Variants in MEGF6 observed in about 807,000 individuals in gnomAD.
The protein encoded by MEGF6 is multiple epidermal growth factor-like domains protein 6.
In MEGF6, 184 loss-of-function variants were observed where a neutral mutation model predicts 207.1. The ratio of observed to expected loss-of-function variants is 0.89; its 90% CI spans 0.79 to 1.00. The LOEUF is 1.00. Ranked by LOEUF, MEGF6 falls within the 50% of genes least tolerant of loss-of-function variation. The probability of loss-of-function intolerance (pLI) is 0.00; values close to 1 mark genes in which losing one functional copy is unlikely to be tolerated. For synonymous variants in MEGF6, 1,038 were observed against 910.0 expected (o/e 1.14, Z -2.53); for missense variants, 2,282 against 2,202.9 (o/e 1.04, Z -0.72).
chr1:3,603,828 C>T (rs925089051), intron 1 of MEGF6, among the ~76,000 whole-genome samples: 3 of 145,832 alleles, frequency 2.1e-5, no homozygotes, highest in Non-Finnish European at 4.6e-5. Context: ...GTCCAGCCAC[C>T]CTGGCCCCAG....
chr1:3,623,997 T>A, the MEGF6 span, among the ~76,000 whole-genome samples: 1 of 152,288 alleles, frequency 6.6e-6, no homozygotes. Flanking sequence ...CCGGTTCTCA[T>A]CCCGGCGATT....
intron 10 of MEGF6, 62 bp from the exon 11 acceptor site, chr1:3,510,054 G>A: frequency 6.5e-7 from 1 of 1,542,656 alleles, no homozygotes; most frequent in Admixed American, 2.0e-5. Flanking sequence ...GAAGGCCCCT[G>A]CCCACCCAGT....
At chr1:3,492,027 A>C (rs1364533355) in intron 35 of MEGF6, among the ~76,000 whole-genome samples, 1 of 151,948 alleles carries the variant, frequency 6.6e-6, no homozygotes, top group Non-Finnish European at 1.5e-5. Context: ...TGCACACGTA[A>C]CACACAGGCA....
At position 3,509,850 on chromosome 1, in the gene MEGF6, G is replaced by T. The variant is rs373134142; in HGVS notation, c.1357+20C>A. The T allele has an allele frequency of 1.9e-6, 3 of 1,538,526 alleles. No homozygotes were observed. The highest frequency in any genetic ancestry group is 2.6e-6 in the Non-Finnish European group (3 of 1,141,130). ...TCGAGAAGGCAGAGGCCGGTGCTCC[G>T]CGGAGGGCGGGAGACTCACGGCTGC... is the stretch of plus-strand genomic sequence containing the variant. On this transcript the variant is annotated intron_variant, in intron 11 of 36. Transcript: ENST00000356575.
At chr1:3,580,095 C>A (rs545687525) in intron 3 of MEGF6, among the ~76,000 whole-genome samples, 166 bp from the exon 4 acceptor site, 1 of 152,092 alleles carries the variant, frequency 6.6e-6, no homozygotes, top group Non-Finnish European at 1.5e-5. Flanking sequence ...TGGAGGCTGG[C>A]GTGTCCCCAA....
At chr1:3,506,871 C>T (rs1364143536) in intron 14 of MEGF6, among the ~76,000 whole-genome samples, 1 of 152,242 alleles carries the variant, frequency 6.6e-6, no homozygotes, top group Non-Finnish European at 1.5e-5. Context: ...AATCCAAAGA[C>T]AAACATCCTC....
intron 11 of MEGF6, 139 bp downstream of exon 11, chr1:3,509,731 G>A (rs1250452685): frequency 6.6e-6 from 8 of 1,208,174 alleles, no homozygotes; most frequent in Non-Finnish European, 8.9e-6. Context: ...CCTCTGAGGT[G>A]TGTTGGCCCA....
intron 4 of MEGF6, among the ~76,000 whole-genome samples, chr1:3,527,350 A>C (rs1255377235): frequency 6.6e-6 from 1 of 152,220 alleles, no homozygotes; most frequent in Non-Finnish European, 1.5e-5. Flanking sequence ...ACGCTCTGAG[A>C]ATGTGCCTGC....
At chr1:3,587,014 C>A (rs1643902709) in intron 3 of MEGF6, among the ~76,000 whole-genome samples, 1 of 152,260 alleles carries the variant, frequency 6.6e-6, no homozygotes, top group Non-Finnish European at 1.5e-5. Context: ...AAGGCCACCA[C>A]CCCCGTCCGG....
chr1:3,533,571 C>T (rs1642239558), intron 4 of MEGF6, among the ~76,000 whole-genome samples: 1 of 152,220 alleles, frequency 6.6e-6, no homozygotes, highest in Non-Finnish European at 1.5e-5. Context: ...GAGGTAGGGG[C>T]CAGGCTTGAG....
chr1:3,602,804 G>T (rs1321832697), intron 1 of MEGF6, among the ~76,000 whole-genome samples: 1 of 152,152 alleles, frequency 6.6e-6, no homozygotes, highest in Admixed American at 6.5e-5. Flanking sequence ...AGGGGAAAAG[G>T]CAAGATGACC....
intron 28 of MEGF6, 75 bp downstream of exon 28, chr1:3,496,913 G>A (rs1490565159): frequency 3.7e-5 from 56 of 1,527,052 alleles, no homozygotes; most frequent in Middle Eastern, 2.0e-4. Flanking sequence ...GGGCCTTCCC[G>A]GGGACCAGGG....
rs373864589 is a variant in MEGF6, at chr1:3,566,748, C to T, written c.481+13077G>A. 9.2e-5 allele frequency among the ~76,000 whole-genome samples: 14 copies of T among 152,318 alleles called. No individual in the cohort carries two copies. In the South Asian group the frequency reaches 1.5e-3, roughly 16 times the overall value. ...TCAGCTGCCCAGGCACATGAGGGCACGCCCTAGAGGGGCTTTGCAGGGATC... is the reference window on the plus strand; with the variant it reads ...TCAGCTGCCCAGGCACATGAGGGCATGCCCTAGAGGGGCTTTGCAGGGATC... On this transcript the variant is annotated intron_variant, in intron 4 of 36. Coordinates refer to ENST00000356575, the MANE Select transcript of MEGF6 (RefSeq NM_001409.4).
chr1:3,602,594 G>A lies in MEGF6; in HGVS notation c.138C>T (p.His46=), dbSNP rs927651235. The A allele has an allele frequency of 7.5e-6, 12 of 1,608,646 alleles. No individual in the cohort carries two copies. The highest frequency in any genetic ancestry group is 2.2e-5 in the South Asian group (2 of 90,758). ...GGGTCAGCTCCTGCTCAGCACACAC[G>A]TGGGGCCTGGAACAGAGACACGGAG... is the stretch of plus-strand genomic sequence containing the variant. ...PLLPLQPGMP[H]VCAEQELTLV... is the part of the protein sequence containing the mutation. Residue 46 remains histidine, a synonymous_variant, in exon 2 of 37, where the codon CAC becomes CAT. Coordinates refer to ENST00000356575, the MANE Select transcript of MEGF6 (RefSeq NM_001409.4).
chr1:3,612,756 G>A (rs566732684), upstream of MEGF6, among the ~76,000 whole-genome samples: 1 of 152,126 alleles, frequency 6.6e-6, no homozygotes, highest in Admixed American at 6.5e-5. Flanking sequence ...GGAGGGGCTT[G>A]GGAAGGGAGC....
In MEGF6 at chr1:3,543,151, C is replaced by G. The variant is rs115101958; in HGVS notation, c.482-18905G>C. On this transcript the variant is annotated intron_variant, in intron 4 of 36. Transcript: ENST00000356575. ...AGTCTCCCAGAACATGACAAACACA[C>G]TGGCCTGGAGACGCTCCCAGGGCCG... is the stretch of plus-strand genomic sequence containing the variant. Among the ~76,000 whole-genome samples, 1,283 of 152,352 alleles carry G rather than the reference C, an allele frequency of 8.4e-3. 24 individuals are homozygous for G. Among genetic ancestry groups the G allele is most frequent in the African/African-American group, 0.028 (1,178 of 41,584 alleles).
the MEGF6 span, among the ~76,000 whole-genome samples, chr1:3,621,349 C>T: frequency 1.3e-5 from 2 of 152,230 alleles, no homozygotes; most frequent in Non-Finnish European, 2.9e-5. Flanking sequence ...TCTGGTGGCC[C>T]TGTCCGGGCA....
chr1:3,579,326 C>A lies in MEGF6; in HGVS notation c.481+499G>T, dbSNP rs563886389. 1.3e-4 allele frequency among the ~76,000 whole-genome samples: 20 copies of A among 152,376 alleles called. No individual in the cohort carries two copies. The South Asian group carries it at 4.1e-3, about 32-fold the overall frequency. ...CATCCCCACTCCCTGCAAGCATCTC[C>A]TTCGCCACCAGCTCCTGCTTCAACC... On this transcript the variant is annotated intron_variant, in intron 4 of 36. Transcript: ENST00000356575.
intron 18 of MEGF6, among the ~76,000 whole-genome samples, chr1:3,501,513 C>A (rs1640865479): frequency 6.6e-6 from 1 of 152,098 alleles, no homozygotes; most frequent in South Asian, 2.1e-4. Flanking sequence ...GGACCCCCAG[C>A]CCCCGGCACC....
Sources: gnomAD v4.1 joint callset for allele counts (sites outside exome capture counted in the v4.1 genomes callset) on GRCh38, gnomAD v4.1.1 for gene constraint, MANE v1.5 for transcripts, NCBI Gene and HGNC (gene_info 2026-07-23, HGNC 2026-07-21) for gene names.